The following ROR2 variants were observed in gnomAD, a reference collection of about 807,000 sequenced individuals.
ROR2 encodes tyrosine-protein kinase transmembrane receptor ROR2.
In ROR2, 33 loss-of-function variants were observed where a neutral mutation model predicts 74.9. The observed-to-expected ratio is 0.44, with a 90% CI of 0.33 to 0.59. The LOEUF (loss-of-function observed/expected upper bound fraction) is 0.59, where lower values mean the gene tolerates loss of function less well. Among genes scored for constraint, ROR2 ranks in the 20% least tolerant of loss-of-function variants. The pLI, the probability that ROR2 is intolerant of heterozygous loss-of-function variation, is 0.02. For synonymous variants in ROR2, 586 were observed against 558.7 expected, an observed-to-expected ratio of 1.05 and a Z score of -0.69; for missense variants, 1,216 against 1,313.8, an observed-to-expected ratio of 0.93 and a Z score of 1.15.
intron 1 of ROR2, among the ~76,000 whole-genome samples, chr9:91,895,180 CT>C (rs1334861129): frequency 2.0e-5 from 3 of 152,164 alleles, no homozygotes; most frequent in Non-Finnish European, 4.4e-5. Context: ...GAACTACATA[CT>C]ATATGATTCC....
At chr9:91,755,167 A>T (rs990555150) in intron 4 of ROR2, among the ~76,000 whole-genome samples, 1 of 152,086 alleles carries the variant, frequency 6.6e-6, no homozygotes, top group Non-Finnish European at 1.5e-5. Context: ...GGGGGGGAAA[A>T]AAATCTGCCC....
At chr9:91,765,265 A>G (rs925269498) in intron 2 of ROR2, among the ~76,000 whole-genome samples, 1 of 151,978 alleles carries the variant, frequency 6.6e-6, no homozygotes, top group Non-Finnish European at 1.5e-5. Flanking sequence ...TTCTCATTTC[A>G]TGGACTATAT....
At chr9:91,815,044 A>G (rs1827883716) in intron 1 of ROR2, among the ~76,000 whole-genome samples, 1 of 152,218 alleles carries the variant, frequency 6.6e-6, no homozygotes, top group African/African-American at 2.4e-5. Context: ...CCTGTTCAGA[A>G]AACAGGACAC....
At chr9:91,756,455 G>A (rs1447652276) in intron 3 of ROR2, among the ~76,000 whole-genome samples, 1 of 152,164 alleles carries the variant, frequency 6.6e-6, no homozygotes, top group Non-Finnish European at 1.5e-5. Context: ...TCACAGGTGG[G>A]ATGAAGGGGG....
At position 91,724,318 on chromosome 9, in the gene ROR2, T is replaced by C. The variant is rs747888518; in HGVS notation, c.2176A>G (p.Ile726Val). ...CTGGGGAACTCGTTCCAGCACTCGATCATGAGGGCATACACCCAGGCGGGA... is the reference window on the plus strand; with the variant it reads ...CTGGGGAACTCGTTCCAGCACTCGACCATGAGGGCATACACCCAGGCGGGA... ...DCPAWVYALM[I>V]ECWNEFPSRR... Residue 726 changes from isoleucine (I) to valine (V), a missense_variant, in exon 9 of 9, where the codon ATC becomes GTC. By Grantham distance (29) the Ile-to-Val change is conservative. Transcript: ENST00000375708. 11 of 1,613,200 alleles carry C rather than the reference T, an allele frequency of 6.8e-6. No homozygotes were observed. The African/African-American group carries it at 1.5e-4, about 22-fold the overall frequency.
intron 1 of ROR2, among the ~76,000 whole-genome samples, chr9:91,884,793 G>C (rs1320995701): frequency 6.6e-6 from 1 of 151,216 alleles, no homozygotes; most frequent in Admixed American, 6.6e-5. Flanking sequence ...TTTTCTAAAT[G>C]AATGTCAGGA....
intron 1 of ROR2, among the ~76,000 whole-genome samples, chr9:91,888,724 G>C (rs1830351195): frequency 6.6e-6 from 1 of 152,152 alleles, no homozygotes; most frequent in Non-Finnish European, 1.5e-5. Flanking sequence ...AAGAAACAAG[G>C]GGCAACTGGA....
chr9:91,846,692 T>G (rs1453263154), intron 1 of ROR2, among the ~76,000 whole-genome samples: 2 of 152,126 alleles, frequency 1.3e-5, no homozygotes, highest in Non-Finnish European at 2.9e-5. Context: ...GAGTCTTGCC[T>G]GTACCCTCAG....
Position 91,906,301 on chromosome 9 carries a change from A to C in ROR2, c.97+43566T>G, listed in dbSNP as rs530896260. Among the ~76,000 whole-genome samples, 5 of 152,348 alleles carry C rather than the reference A, an allele frequency of 3.3e-5. No individual in the cohort carries two copies. In the South Asian group the frequency reaches 6.2e-4, roughly 19 times the overall value. On this transcript the variant is annotated intron_variant, in intron 1 of 8. Transcript: ENST00000375708. ...ACCTGGAATGACAAACTGCCCGTTC[A>C]TAAGGAAAATTCTACCCTGACCCAC...
intron 1 of ROR2, among the ~76,000 whole-genome samples, chr9:91,858,430 G>A (rs1829366357): frequency 2.6e-5 from 4 of 152,088 alleles, no homozygotes; most frequent in Non-Finnish European, 5.9e-5. Flanking sequence ...GGCGCGCACA[G>A]GGCACACACC....
At chr9:91,742,419 T>C (rs1013456035) in intron 4 of ROR2, among the ~76,000 whole-genome samples, 1 of 152,052 alleles carries the variant, frequency 6.6e-6, no homozygotes, top group African/African-American at 2.4e-5. Flanking sequence ...TTTAAAGTAA[T>C]AGATGTGGAA....
intron 1 of ROR2, among the ~76,000 whole-genome samples, chr9:91,832,208 T>G (rs1326101590): frequency 6.6e-6 from 1 of 152,168 alleles, no homozygotes; most frequent in South Asian, 2.1e-4. Context: ...TTCTTAATTC[T>G]TCTTTGGATT....
intron 1 of ROR2, among the ~76,000 whole-genome samples, chr9:91,873,195 A>G (rs1272893295): frequency 7.2e-6 from 1 of 139,814 alleles, no homozygotes. Context: ...AAAACTGTAC[A>G]TCGACTCATC....
intron 1 of ROR2, among the ~76,000 whole-genome samples, chr9:91,925,466 ATGTGTGTG>A (rs35012954): frequency 6.9e-5 from 10 of 144,618 alleles, no homozygotes; most frequent in African/African-American, 2.1e-4. Context: ...AGCTGCCTGT[ATGTGTGTG>A]TGTGTGTGTG....
In ROR2 at chr9:91,724,331, C is replaced by A; in HGVS notation, c.2163G>T (p.Val721=). The change falls in exon 9 of 9, where the codon GTG becomes GTT. Residue 721 remains valine (V), a synonymous_variant. Transcript: ENST00000375708. ...LPCPDDCPAW[V]YALMIECWNE... ...TCCAGCACTCGATCATGAGGGCATA[C>A]ACCCAGGCGGGACAGTCATCGGGGC... 6.2e-7 allele frequency: 1 copy of A among 1,613,404 alleles called. No homozygotes were observed. The highest frequency in any genetic ancestry group is 8.5e-7 in the Non-Finnish European group (1 of 1,180,032).
intron 1 of ROR2, among the ~76,000 whole-genome samples, chr9:91,894,643 T>C (rs965427998): frequency 2.6e-5 from 4 of 152,232 alleles, no homozygotes; most frequent in Non-Finnish European, 4.4e-5. Flanking sequence ...CCCAGAACTA[T>C]AGTTTTAAAC....
chr9:91,811,095 G>T (rs542527076), intron 1 of ROR2, among the ~76,000 whole-genome samples: 1 of 152,392 alleles, frequency 6.6e-6, no homozygotes, highest in East Asian at 1.9e-4. Flanking sequence ...AAGGGACACT[G>T]GCTCTGGCAG....
chr9:91,922,707 C>A (rs1831303575), intron 1 of ROR2, among the ~76,000 whole-genome samples: 1 of 152,172 alleles, frequency 6.6e-6, no homozygotes. Flanking sequence ...CCTGCCTTGG[C>A]CTCTTGAAGT....
At chr9:91,798,664 G>GGCTA (rs1385039016) in intron 1 of ROR2, among the ~76,000 whole-genome samples, 6 of 150,646 alleles carry the variant, frequency 4.0e-5, no homozygotes, top group South Asian at 4.2e-4. Context: ...GGGCTCTGTG[G>GGCTA]GTGGGGCTGA....
Sources: gnomAD v4.1 joint callset for allele counts (sites outside exome capture counted in the v4.1 genomes callset) on GRCh38, gnomAD v4.1.1 for gene constraint, MANE v1.5 for transcripts, NCBI Gene and HGNC (gene_info 2026-07-23, HGNC 2026-07-21) for gene names.